Variants in MSL2 observed in about 807,000 individuals in gnomAD.
MSL2 encodes E3 ubiquitin-protein ligase MSL2.
MSL2 carries 2 observed loss-of-function variants against 35.8 expected under a neutral mutation model. The observed-to-expected ratio is 0.06, with a 90% CI of 0.02 to 0.18. The LOEUF (loss-of-function observed/expected upper bound fraction) is 0.18, where lower values mean the gene tolerates loss of function less well. Among genes scored for constraint, MSL2 ranks in the 10% least tolerant of loss-of-function variants. The pLI is 1.00. For synonymous variants in MSL2, 296 were observed against 255.7 expected, an observed-to-expected ratio of 1.16 and a Z score of -1.50; for missense variants, 523 against 706.7, an observed-to-expected ratio of 0.74 and a Z score of 2.95.
chr3:136,186,960 G>A (rs973951323), intron 1 of MSL2, among the ~76,000 whole-genome samples: 7 of 152,012 alleles, frequency 4.6e-5, no homozygotes, highest in African/African-American at 1.7e-4. Context: ...GTAAGTAGTT[G>A]TTATACTGTA....
intron 1 of MSL2, among the ~76,000 whole-genome samples, chr3:136,156,298 G>C (rs1195583214): frequency 2.0e-5 from 3 of 152,188 alleles, no homozygotes; most frequent in Non-Finnish European, 4.4e-5. Flanking sequence ...AGGAACCAGA[G>C]TGCTGAAGTA....
chr3:136,172,219 ATATT>A (rs1221220266), intron 1 of MSL2, among the ~76,000 whole-genome samples: 1 of 152,182 alleles, frequency 6.6e-6, no homozygotes, highest in Admixed American at 6.5e-5. Flanking sequence ...GAAGGTTTAC[ATATT>A]TAAGTATTCT....
intron 1 of MSL2, among the ~76,000 whole-genome samples, chr3:136,172,429 AC>A (rs1325420593): frequency 6.6e-6 from 1 of 151,790 alleles, no homozygotes; most frequent in African/African-American, 2.4e-5. Context: ...TCCACCTTCA[AC>A]CTTCCTTCCT....
intron 1 of MSL2, among the ~76,000 whole-genome samples, chr3:136,189,340 T>C (rs1240688065): frequency 6.9e-6 from 1 of 144,986 alleles, no homozygotes; most frequent in African/African-American, 2.6e-5. Flanking sequence ...AAAATAGATC[T>C]GCTATCTATA....
Position 136,195,266 on chromosome 3 carries a change from T to C in MSL2, c.-153A>G. The C allele has an allele frequency of 6.8e-7, 1 of 1,466,128 alleles. No homozygotes were observed. Among genetic ancestry groups the C allele is most frequent in the Non-Finnish European group, 9.0e-7 (1 of 1,114,990 alleles). 90.8% of individuals were successfully genotyped at this position (1,466,128 alleles called of 1,614,324 possible). A position where few individuals can be genotyped will look rare whatever the true frequency, so the allele number is the denominator to read the frequency against. On this transcript the variant is annotated 5_prime_UTR_variant, in exon 1 of 2. Coordinates refer to ENST00000309993, the MANE Select transcript of MSL2 (RefSeq NM_018133.4). ...CAAGTAACCAAAATCCGTGCAAGTTTGTGGAGCTGAAACAATCCTCCCACA... is the reference window on the plus strand; with the variant it reads ...CAAGTAACCAAAATCCGTGCAAGTTCGTGGAGCTGAAACAATCCTCCCACA...
At chr3:136,158,968 A>C (rs1286514817) in intron 1 of MSL2, among the ~76,000 whole-genome samples, 1 of 152,212 alleles carries the variant, frequency 6.6e-6, no homozygotes, top group Non-Finnish European at 1.5e-5. Flanking sequence ...CTAAACAGAC[A>C]TGTTCATGGA....
Position 136,152,705 on chromosome 3 carries a change from T to C in MSL2, c.176A>G (p.Asn59Ser). The C allele has an allele frequency of 1.2e-6, 2 of 1,613,980 alleles. No individual in the cohort carries two copies. The highest frequency in any genetic ancestry group is 2.2e-5 in the East Asian group (1 of 44,864). ...HLLQDPIAPT[N>S]STCQHYVCKT... ...GCAGACATAATGTTGGCAGGTGGAG[T>C]TGGTGGGTGCAATAGGATCTTGTAG... The change falls in exon 2 of 2, where the codon AAC becomes AGC. Residue 59 changes from asparagine to serine, a missense_variant. Transcript: ENST00000309993.
At chr3:136,187,434 GGGAGGATGACC>G (rs2108093503) in intron 1 of MSL2, among the ~76,000 whole-genome samples, 1 of 152,156 alleles carries the variant, frequency 6.6e-6, no homozygotes, top group South Asian at 2.1e-4. Context: ...AGGTCGAGGT[GGGAGGATGACC>G]TGAGGTCAGG....
At position 136,152,104 on chromosome 3, in the gene MSL2, A is replaced by G; in HGVS notation, c.777T>C (p.Asp259=). The G allele has an allele frequency of 6.2e-7, 1 of 1,614,196 alleles. No individual in the cohort carries two copies. The highest frequency in any genetic ancestry group is 8.5e-7 in the Non-Finnish European group (1 of 1,180,042). Residue 259 remains aspartate, a synonymous_variant, in exon 2 of 2, where the codon GAT becomes GAC. Transcript: ENST00000309993. ...TGIDICSFSE[D]IKPGDSLLLS... Reference sequence around the variant, plus strand: ...GTAACAGAGAGTCTCCAGGTTTTATATCTTCACTGAAACTGCAGATATCAA... The same window carrying G: ...GTAACAGAGAGTCTCCAGGTTTTATGTCTTCACTGAAACTGCAGATATCAA...
chr3:136,149,319 T>A lies in MSL2; in HGVS notation c.*1828A>T, dbSNP rs1339208106. On this transcript the variant is annotated 3_prime_UTR_variant, in exon 2 of 2. Transcript: ENST00000309993. ...ATTTACAACTTTATATAGCAGGGCA[T>A]CTGGGTTCAACACAAAACTGTTACA... 1 of 152,492 alleles carries A rather than the reference T, an allele frequency of 6.6e-6. No homozygotes were observed. Among genetic ancestry groups the A allele is most frequent in the Non-Finnish European group, 1.5e-5 (1 of 68,014 alleles). 9.4% of individuals were successfully genotyped at this position (152,492 alleles called of 1,614,324 possible). A position where few individuals can be genotyped will look rare whatever the true frequency, so the allele number is the denominator to read the frequency against.
Position 136,195,229 on chromosome 3 carries a change from C to G in MSL2, c.-116G>C. On this transcript the variant is annotated 5_prime_UTR_variant, in exon 1 of 2. Coordinates refer to ENST00000309993, the MANE Select transcript of MSL2 (RefSeq NM_018133.4). ...CAATTCGGAAGAAATCAGAGCCGAA[C>G]CATTGGCCAAACAAGTAACCAAAAT... 6.6e-7 allele frequency: 1 copy of G among 1,511,370 alleles called. No homozygotes were observed. The highest frequency in any genetic ancestry group is 8.8e-7 in the Non-Finnish European group (1 of 1,134,534). The allele number at this position is 1,511,370 out of a possible 1,614,324, so 93.6% of individuals were successfully genotyped here.
rs1940799623 is a variant in MSL2 at position 136,195,155 on chromosome 3, T to C, written c.-42A>G. On this transcript the variant is annotated 5_prime_UTR_variant, in exon 1 of 2. Transcript: ENST00000309993. Reference sequence around the variant, plus strand: ...CCAATGGCTCCCGGTTGAAAAGAAATTCCGGATCCAACTTAGTAAGCAGCC... The same window carrying C: ...CCAATGGCTCCCGGTTGAAAAGAAACTCCGGATCCAACTTAGTAAGCAGCC... The C allele has an allele frequency of 6.4e-7, 1 of 1,569,516 alleles. No homozygotes were observed. Among genetic ancestry groups the C allele is most frequent in the East Asian group, 2.3e-5 (1 of 44,016 alleles).
At chr3:136,187,038 A>C (rs1376572624) in intron 1 of MSL2, among the ~76,000 whole-genome samples, 1 of 152,188 alleles carries the variant, frequency 6.6e-6, no homozygotes, top group Non-Finnish European at 1.5e-5. Context: ...TTTTTTCCCA[A>C]ATATTTTAGA....
At chr3:136,157,523 T>C (rs568723006) in intron 1 of MSL2, among the ~76,000 whole-genome samples, 1 of 151,220 alleles carries the variant, frequency 6.6e-6, no homozygotes, top group Admixed American at 6.6e-5. Context: ...AATAAATAAA[T>C]GAATACAGAT....
At chr3:136,165,822 A>G (rs1202113296) in intron 1 of MSL2, among the ~76,000 whole-genome samples, 1 of 152,126 alleles carries the variant, frequency 6.6e-6, no homozygotes, top group Non-Finnish European at 1.5e-5. Flanking sequence ...ATTTGATAGC[A>G]TAACAGGGTG....
intron 1 of MSL2, chr3:136,155,708 TG>T: frequency 2.0e-6 from 1 of 501,224 alleles, no homozygotes; most frequent in Non-Finnish European, 4.1e-6. Flanking sequence ...ACTTGTATGC[TG>T]GGGTCCTTTT....
At chr3:136,160,046 C>T (rs1177216206) in intron 1 of MSL2, among the ~76,000 whole-genome samples, 4 of 151,754 alleles carry the variant, frequency 2.6e-5, no homozygotes, top group Non-Finnish European at 5.9e-5. Context: ...CTAAGGTGGG[C>T]AGATCACGTG....
chr3:136,162,781 G>C (rs1317299729), intron 1 of MSL2, among the ~76,000 whole-genome samples: 1 of 152,090 alleles, frequency 6.6e-6, no homozygotes, highest in African/African-American at 2.4e-5. Flanking sequence ...ATATCAAATT[G>C]GTGGTATAAC....
intron 1 of MSL2, among the ~76,000 whole-genome samples, chr3:136,177,994 A>G (rs1940231283): frequency 6.6e-6 from 1 of 152,174 alleles, no homozygotes; most frequent in Admixed American, 6.5e-5. Flanking sequence ...TACTTTATAC[A>G]TGCACTTTTG....
Sources: gnomAD v4.1 joint callset for allele counts (sites outside exome capture counted in the v4.1 genomes callset) on GRCh38, gnomAD v4.1.1 for gene constraint, MANE v1.5 for transcripts, NCBI Gene and HGNC (gene_info 2026-07-23, HGNC 2026-07-21) for gene names.